The following WDFY4 variants were observed in gnomAD, a reference collection of about 807,000 sequenced individuals.
WDFY4 encodes the protein WD repeat- and FYVE domain-containing protein 4.
A neutral mutation model predicts 351.9 loss-of-function variants in WDFY4; 169 were observed. That is an observed-to-expected ratio of 0.48 (90% CI 0.42 to 0.55). The LOEUF (loss-of-function observed/expected upper bound fraction) is 0.55. Ranked by LOEUF, WDFY4 falls within the 20% of genes least tolerant of loss-of-function variation. WDFY4 has a pLI of 0.00. For missense variants in WDFY4, 3,803 were observed against 3,935.6 expected (o/e 0.97, Z 0.90); for synonymous variants, 1,622 against 1,574.6 (o/e 1.03, Z -0.71).
intron 27 of WDFY4, among the ~76,000 whole-genome samples, chr10:48,807,164 C>T (rs947877129): frequency 2.0e-5 from 3 of 152,100 alleles, no homozygotes; most frequent in Non-Finnish European, 2.9e-5. Flanking sequence ...TACAGTATGG[C>T]GTGGTGTATG....
rs547007730 is a variant in WDFY4 at position 48,787,738 on chromosome 10, A to G, written c.3809-792A>G. Among the ~76,000 whole-genome samples the G allele has an allele frequency of 1.1e-4, 17 of 152,110 alleles. No individual in the cohort carries two copies. The South Asian group carries it at 3.1e-3, about 28-fold the overall frequency. On this transcript the variant is annotated intron_variant, in intron 20 of 61. Transcript: ENST00000325239. Reference sequence around the variant, plus strand: ...ACCTGGAGTGCATCTATTTCATGGTAAGACAAATCTTGGGAGAGTTCGCCA... The same window carrying G: ...ACCTGGAGTGCATCTATTTCATGGTGAGACAAATCTTGGGAGAGTTCGCCA...
At chr10:48,914,601 C>G (rs937339459) in intron 47 of WDFY4, among the ~76,000 whole-genome samples, 1 of 152,132 alleles carries the variant, frequency 6.6e-6, no homozygotes, top group African/African-American at 2.4e-5. Context: ...CTGCATTAAG[C>G]TAGGATTTCC....
In WDFY4 at chr10:48,721,348, T is replaced by G; in HGVS notation, c.437T>G (p.Val146Gly). 1 of 1,551,646 alleles carries G rather than the reference T, an allele frequency of 6.4e-7. No individual in the cohort carries two copies. The highest frequency in any genetic ancestry group is 2.4e-5 in the East Asian group (1 of 40,918). The change falls in exon 4 of 62, where the codon GTG (valine) becomes GGG (glycine). Residue 146 changes from valine to glycine, a missense_variant. By Grantham distance (109) the Val-to-Gly change is moderately radical. Around this residue, in one of 3 missense-constraint regions of WDFY4, gnomAD observed 488 missense variants for 456.8 expected, o/e 1.07. Transcript: ENST00000325239. ...DGYLLLKSVYVLTGTDSETLG... is the reference protein window; with the variant it reads ...DGYLLLKSVYGLTGTDSETLG... ...TACTTGCTCCTGAAGTCAGTGTACGTGCTCACGGGGACAGACTCGGTAAGT... is the reference window on the plus strand; with the variant it reads ...TACTTGCTCCTGAAGTCAGTGTACGGGCTCACGGGGACAGACTCGGTAAGT...
intron 46 of WDFY4, 53 bp downstream of exon 46, chr10:48,900,359 G>A (rs1396638098): frequency 6.8e-7 from 1 of 1,467,182 alleles, no homozygotes; most frequent in Non-Finnish European, 9.3e-7. Flanking sequence ...ACTGAGAGCA[G>A]AGGGGCAGAG....
At chr10:48,706,327 T>A (rs572117800) in intron 1 of WDFY4, among the ~76,000 whole-genome samples, 41 of 152,312 alleles carry the variant, frequency 2.7e-4, no homozygotes, top group African/African-American at 9.9e-4. Context: ...TCAGTGGTAA[T>A]TAGAGCCATG....
Position 48,890,604 on chromosome 10 carries a change from T to C in WDFY4, c.7193T>C (p.Ile2398Thr), listed in dbSNP as rs1054352052. ...GTGACGCAGAAGTTCTCCCTGGTGATTGTGCAGGGCCACCTGGTGTCAGAA... is the reference window on the plus strand; with the variant it reads ...GTGACGCAGAAGTTCTCCCTGGTGACTGTGCAGGGCCACCTGGTGTCAGAA... ...EKVTQKFSLV[I>T]VQGHLVSEGV... Residue 2398 changes from isoleucine to threonine, a missense_variant, in exon 44 of 62, where the codon ATT becomes ACT. Physicochemically the swap from Ile to Thr is moderately conservative, Grantham distance 89 (BLOSUM62 -1). Around this residue, in one of 3 missense-constraint regions of WDFY4, gnomAD observed 3,054 missense variants for 3,148.6 expected, o/e 0.97. Transcript: ENST00000325239. 9.7e-6 allele frequency: 15 copies of C among 1,551,628 alleles called. No homozygotes were observed. Among genetic ancestry groups the C allele is most frequent in the African/African-American group, 6.8e-5 (5 of 73,040 alleles).
intron 3 of WDFY4, among the ~76,000 whole-genome samples, chr10:48,720,349 G>A (rs920325677): frequency 1.3e-5 from 2 of 152,102 alleles, no homozygotes. Context: ...CACAGACATA[G>A]ACAAACACAC....
In WDFY4 at chr10:48,734,032, G is replaced by T; in HGVS notation, c.1684G>T (p.Ala562Ser). Residue 562 changes from alanine to serine, a missense_variant, in exon 10 of 62, where the codon GCA becomes TCA. By Grantham distance (99) the Ala-to-Ser change is moderately conservative (BLOSUM62 1). Coordinates refer to ENST00000325239, the MANE Select transcript of WDFY4 (RefSeq NM_001394531.1). Reference sequence around the variant, plus strand: ...ACTTCTGAAAGGCTCGGTGAGGAATGCAGGTAAGGATGGTGCCAAGTTTGC... The same window carrying T: ...ACTTCTGAAAGGCTCGGTGAGGAATTCAGGTAAGGATGGTGCCAAGTTTGC... ...VTLLKGSVRNAVVLKDHGMVP... is the reference protein window; with the variant it reads ...VTLLKGSVRNSVVLKDHGMVP... The T allele has an allele frequency of 6.4e-7, 1 of 1,552,088 alleles. No homozygotes were observed. The highest frequency in any genetic ancestry group is 8.7e-7 in the Non-Finnish European group (1 of 1,147,050).
At chr10:48,860,499 T>C (rs1184153899) in intron 39 of WDFY4, among the ~76,000 whole-genome samples, 1 of 152,216 alleles carries the variant, frequency 6.6e-6, no homozygotes, top group Non-Finnish European at 1.5e-5. Flanking sequence ...ACTAATACCA[T>C]AATGGGGGTC....
chr10:48,714,941 C>T (rs992074539), intron 2 of WDFY4, among the ~76,000 whole-genome samples: 1 of 152,228 alleles, frequency 6.6e-6, no homozygotes, highest in African/African-American at 2.4e-5. Context: ...TTTGTATCAA[C>T]TGGGCTAATG....
intron 39 of WDFY4, among the ~76,000 whole-genome samples, chr10:48,841,496 T>C (rs973050673): frequency 2.0e-5 from 3 of 152,294 alleles, no homozygotes; most frequent in South Asian, 4.1e-4. Flanking sequence ...CTAATGTATG[T>C]TTTCTGTCAG....
At chr10:48,852,566 C>T (rs1034291051) in intron 39 of WDFY4, among the ~76,000 whole-genome samples, 5 of 152,248 alleles carry the variant, frequency 3.3e-5, no homozygotes, top group South Asian at 2.1e-4. Flanking sequence ...AAGCATTCAC[C>T]ACTCTGTTCA....
intron 47 of WDFY4, among the ~76,000 whole-genome samples, chr10:48,928,532 A>C (rs1839779584): frequency 6.6e-6 from 1 of 151,988 alleles, no homozygotes; most frequent in South Asian, 2.1e-4. Context: ...ATGGACCGTG[A>C]CCCCTGCCTC....
intron 7 of WDFY4, 77 bp downstream of exon 7, chr10:48,727,736 C>A (rs925613958): frequency 3.4e-5 from 51 of 1,492,624 alleles, no homozygotes; most frequent in Non-Finnish European, 4.2e-5. Context: ...GGGTGCTTTG[C>A]AGAAAAATAG....
intron 47 of WDFY4, among the ~76,000 whole-genome samples, chr10:48,934,159 A>C (rs1840207586): frequency 6.6e-6 from 1 of 152,170 alleles, no homozygotes; most frequent in Non-Finnish European, 1.5e-5. Flanking sequence ...CTGAGTCCCC[A>C]TTTCATTGGC....
chr10:48,904,794 G>A (rs149362283), intron 47 of WDFY4, among the ~76,000 whole-genome samples: 40 of 152,294 alleles, frequency 2.6e-4, no homozygotes, highest in East Asian at 1.3e-3. Flanking sequence ...TGGCTGGATC[G>A]GAGGGATGTA....
intron 39 of WDFY4, among the ~76,000 whole-genome samples, chr10:48,833,350 A>AG (rs1266853632): frequency 6.6e-6 from 1 of 152,134 alleles, no homozygotes; most frequent in African/African-American, 2.4e-5. Flanking sequence ...TGAGACCTTA[A>AG]GGGGGGCTAT....
At chr10:48,692,240 G>C (rs2063214766) in intron 1 of WDFY4, among the ~76,000 whole-genome samples, 1 of 152,242 alleles carries the variant, frequency 6.6e-6, no homozygotes, top group Non-Finnish European at 1.5e-5. Flanking sequence ...CTGCCCTGCT[G>C]TCAGATCACA....
At chr10:48,858,595 A>G (rs2069226630) in intron 39 of WDFY4, among the ~76,000 whole-genome samples, 2 of 152,132 alleles carry the variant, frequency 1.3e-5, no homozygotes, top group Non-Finnish European at 1.5e-5. Context: ...CACATTCTCA[A>G]TTACTGTAAC....
Sources: gnomAD v4.1 joint callset for allele counts (sites outside exome capture counted in the v4.1 genomes callset) on GRCh38, gnomAD v4.1.1 for gene constraint, gnomAD v4.1.1 regional missense constraint, MANE v1.5 for transcripts, NCBI Gene and HGNC (gene_info 2026-07-23, HGNC 2026-07-21) for gene names.